Variants in RDH10 observed in about 807,000 individuals in gnomAD.
RDH10 encodes retinol dehydrogenase 10 (all-trans).
Under a neutral mutation model 30.2 loss-of-function variants are expected in RDH10, and 12 were observed. The ratio of observed to expected loss-of-function variants is 0.40; its 90% confidence interval spans 0.25 to 0.64. The LOEUF (loss-of-function observed/expected upper bound fraction) is 0.64. Among genes scored for constraint, RDH10 ranks in the 30% least tolerant of loss-of-function variants. The pLI is 0.43. For synonymous variants in RDH10, 189 were observed against 172.2 expected (o/e 1.10, Z -0.76); for missense variants, 268 against 445.2 (o/e 0.60, Z 3.58).
intron 2 of RDH10, among the ~76,000 whole-genome samples, chr8:73,318,333 A>G (rs1814710411): frequency 6.6e-6 from 1 of 152,144 alleles, no homozygotes; most frequent in Non-Finnish European, 1.5e-5. Context: ...CTCTGGCACA[A>G]GTTTCAGGGC....
intron 2 of RDH10, chr8:73,315,416 T>C: frequency 3.3e-6 from 1 of 301,894 alleles, no homozygotes; most frequent in South Asian, 2.9e-5. Flanking sequence ...ACTACCCTCC[T>C]TATGGACAAA....
intron 4 of RDH10, chr8:73,321,857 G>C (rs771482401): frequency 6.6e-6 from 3 of 456,260 alleles, no homozygotes; most frequent in East Asian, 7.0e-5. Context: ...ATAGGTGGAA[G>C]GTGATTTGAA....
intron 2 of RDH10, among the ~76,000 whole-genome samples, chr8:73,308,524 C>T (rs11774608): frequency 0.2 from 29,684 of 152,140 alleles, 2,949 homozygotes; most frequent in Middle Eastern, 0.23. Flanking sequence ...CCAAGGCTGA[C>T]GGAGTCTACA....
At chr8:73,301,614 G>GCCAC (rs1814378578) in intron 2 of RDH10, among the ~76,000 whole-genome samples, 2 of 151,672 alleles carry the variant, frequency 1.3e-5, no homozygotes, top group Non-Finnish European at 2.9e-5. Flanking sequence ...AAAAAAAGTA[G>GCCAC]CCGTGGTGGT....
In RDH10 at chr8:73,324,441, T is replaced by G. The variant is rs925136392; in HGVS notation, c.*1405T>G. 5.2e-5 allele frequency: 8 copies of G among 152,750 alleles called. No homozygotes were observed. In the East Asian group the frequency reaches 1.4e-3, roughly 26 times the overall value. 9.5% of individuals were successfully genotyped at this position (152,750 alleles called of 1,614,324 possible). A position where few individuals can be genotyped will look rare whatever the true frequency, so the allele number is the denominator to read the frequency against. ...AAATGACTATAAACTATTATGTGAT[T>G]GCTTTTTTTTTTAGAATGTCTTGTT... On this transcript the variant is annotated 3_prime_UTR_variant, in exon 6 of 6. Transcript: ENST00000240285.
chr8:73,312,785 G>A (rs1814589597), intron 2 of RDH10: 1 of 152,228 alleles, frequency 6.6e-6, no homozygotes, highest in African/African-American at 2.4e-5. Context: ...TGCTGGTGGT[G>A]TTGACCTTTC....
At chr8:73,314,775 GTGTTGCC>G (rs1358793092) in intron 2 of RDH10, among the ~76,000 whole-genome samples, 8 of 152,332 alleles carry the variant, frequency 5.3e-5, no homozygotes, top group African/African-American at 1.9e-4. Flanking sequence ...AGTAATTGCA[GTGTTGCC>G]TGTAATTAAT....
chr8:73,311,330 CA>C (rs1814560670), intron 2 of RDH10: 1 of 152,162 alleles, frequency 6.6e-6, no homozygotes. Flanking sequence ...AGTTTTAAGT[CA>C]CCTTATTTCT....
intron 2 of RDH10, chr8:73,311,380 G>A (rs760750344): frequency 1.2e-4 from 18 of 152,154 alleles, no homozygotes; most frequent in Non-Finnish European, 2.2e-4. Context: ...GTAAGGGAAC[G>A]TTAATATCTG....
chr8:73,315,909 G>T (rs1214748960), intron 2 of RDH10, among the ~76,000 whole-genome samples: 3 of 152,180 alleles, frequency 2.0e-5, no homozygotes, highest in African/African-American at 4.8e-5. Flanking sequence ...ACTTAAAAAT[G>T]ATCTCTGGTT....
At chr8:73,317,710 C>T (rs1814697650) in intron 2 of RDH10, among the ~76,000 whole-genome samples, 1 of 152,228 alleles carries the variant, frequency 6.6e-6, no homozygotes, top group South Asian at 2.1e-4. Context: ...CACTTGAGCC[C>T]AGGAGTTCAA....
rs1814807702 is a variant in RDH10, at chr8:73,323,637, C to A, written c.*601C>A. 1 of 149,582 alleles carries A rather than the reference C, an allele frequency of 6.7e-6. No homozygotes were observed. The highest frequency in any genetic ancestry group is 2.1e-4 in the South Asian group (1 of 4,726). 9.3% of individuals were successfully genotyped at this position (149,582 alleles called of 1,614,324 possible). A position where few individuals can be genotyped will look rare whatever the true frequency, so the allele number is the denominator to read the frequency against. On this transcript the variant is annotated 3_prime_UTR_variant, in exon 6 of 6. Coordinates refer to ENST00000240285, the MANE Select transcript of RDH10 (RefSeq NM_172037.5). ...AGTCTCTTTCTTAAAGTCACAATGACTAAAGTATTAGTTGAATTTTTTTTT... is the reference window on the plus strand; with the variant it reads ...AGTCTCTTTCTTAAAGTCACAATGAATAAAGTATTAGTTGAATTTTTTTTT...
chr8:73,297,413 G>A lies in RDH10; in HGVS notation c.509G>A (p.Cys170Tyr). ...ELIERTMMVN[C>Y]HAHFWTTKAF... is the part of the protein sequence containing the mutation. Reference sequence around the variant, plus strand: ...ATTGAGAGAACCATGATGGTCAATTGCCATGCACACTTCTGGGTAAATATA... The same window carrying A: ...ATTGAGAGAACCATGATGGTCAATTACCATGCACACTTCTGGGTAAATATA... The change falls in exon 2 of 6, where the codon TGC (cysteine) becomes TAC (tyrosine). Residue 170 changes from cysteine (C) to tyrosine (Y), a missense_variant. Around this residue, in one of 4 missense-constraint regions of RDH10, gnomAD observed 136 missense variants for 288.8 expected, o/e 0.47. Transcript: ENST00000240285. The A allele has an allele frequency of 6.2e-7, 1 of 1,608,284 alleles. No homozygotes were observed. Among genetic ancestry groups the A allele is most frequent in the Non-Finnish European group, 8.5e-7 (1 of 1,174,666 alleles).
Position 73,325,199 on chromosome 8 carries a change from T to C in RDH10, c.*2163T>C, listed in dbSNP as rs1374070363. 2.0e-5 allele frequency: 3 copies of C among 152,246 alleles called. No individual in the cohort carries two copies. The highest frequency in any genetic ancestry group is 7.2e-5 in the African/African-American group (3 of 41,468). The allele number at this position is 152,246 out of a possible 1,614,324, so 9.4% of individuals were successfully genotyped here. A position where few individuals can be genotyped will look rare whatever the true frequency, so the allele number is the denominator to read the frequency against. On this transcript the variant is annotated 3_prime_UTR_variant, in exon 6 of 6. Transcript: ENST00000240285. ...CATCTAATTTTATTCTTGTGTGTTA[T>C]AACTTAAACCTATTTCTATTTTTGT... is the stretch of plus-strand genomic sequence containing the variant.
At chr8:73,316,394 A>G (rs1168312346) in intron 2 of RDH10, among the ~76,000 whole-genome samples, 1 of 152,226 alleles carries the variant, frequency 6.6e-6, no homozygotes, top group African/African-American at 2.4e-5. Context: ...TATAATACCC[A>G]TGTATAAATT....
In RDH10 at chr8:73,294,852, C is replaced by A; in HGVS notation, c.-438C>A. ...CCCGCGGCAGCCCGCTGGCCCGTGC[C>A]GCCTCCGCTGCGCACCCCTCCCCCG... On this transcript the variant is annotated 5_prime_UTR_variant, in exon 1 of 6. Transcript: ENST00000240285. 1 of 390,034 alleles carries A rather than the reference C, an allele frequency of 2.6e-6. No individual in the cohort carries two copies. The highest frequency in any genetic ancestry group is 4.5e-6 in the Non-Finnish European group (1 of 220,358). The allele number at this position is 390,034 out of a possible 1,614,324, so 24.2% of individuals were successfully genotyped here. A position where few individuals can be genotyped will look rare whatever the true frequency, so the allele number is the denominator to read the frequency against.
intron 2 of RDH10, among the ~76,000 whole-genome samples, chr8:73,301,786 C>G (rs1012319778): frequency 6.6e-6 from 1 of 152,172 alleles, no homozygotes; most frequent in Non-Finnish European, 1.5e-5. Flanking sequence ...TTATGTTGGA[C>G]TAAAGCTGTG....
intron 2 of RDH10, among the ~76,000 whole-genome samples, chr8:73,301,440 G>T (rs1814373172): frequency 6.6e-6 from 1 of 151,840 alleles, no homozygotes; most frequent in Non-Finnish European, 1.5e-5. Flanking sequence ...ACTCACATGG[G>T]TCTATGTTCT....
intron 2 of RDH10, among the ~76,000 whole-genome samples, chr8:73,305,280 A>G (rs1168710808): frequency 1.3e-5 from 2 of 152,226 alleles, no homozygotes; most frequent in Non-Finnish European, 2.9e-5. Flanking sequence ...TCTTTGGGAA[A>G]TTCTAATGAA....
Sources: allele counts gnomAD v4.1 joint callset (sites outside exome capture counted in the v4.1 genomes callset), GRCh38; gene constraint gnomAD v4.1.1; regional missense constraint gnomAD v4.1.1; transcripts MANE v1.5; gene names NCBI Gene and HGNC (gene_info 2026-07-23, HGNC 2026-07-21).